GSTM2: variants seen among roughly 807,000 people sequenced by gnomAD.
GSTM2 encodes the protein glutathione S-transferase mu 2.
GSTM2 carries 33 observed loss-of-function variants against 33.3 expected under a neutral mutation model. That is an observed-to-expected ratio of 0.99 (90% CI 0.75 to 1.33). The LOEUF (loss-of-function observed/expected upper bound fraction) is 1.33, where lower values mean the gene tolerates loss of function less well. Among genes scored for constraint, GSTM2 ranks in the 40% most tolerant of loss-of-function variants. The pLI is 0.00. For missense variants in GSTM2, 213 were observed against 265.8 expected (o/e 0.80, Z 1.38); for synonymous variants, 93 against 95.6 (o/e 0.97, Z 0.16).
chr1:109,680,061 A>T (rs1434783383), downstream of GSTM2, among the ~76,000 whole-genome samples: 3 of 137,538 alleles, frequency 2.2e-5, no homozygotes. Context: ...TCCCACCCCC[A>T]CCTTTGTTCT....
intron 5 of GSTM2, 158 bp downstream of exon 5, chr1:109,669,729 C>T: frequency 1.7e-6 from 1 of 601,164 alleles, no homozygotes; most frequent in Non-Finnish European, 3.0e-6. Context: ...TGTTACAGTT[C>T]TTAAAGATGG....
chr1:109,674,628 C>T lies in GSTM2; in HGVS notation c.568-119C>T, dbSNP rs1178231010. ...TAAGAAGCTGTGTGATGCCTCAGCA[C>T]TTGAGCCCACATGGAAAGGCTGTGG... On this transcript the variant is annotated intron_variant, in intron 7 of 7. Coordinates refer to ENST00000241337, the MANE Select transcript of GSTM2 (RefSeq NM_000848.4). The T allele has an allele frequency of 3.2e-6, 4 of 1,243,458 alleles. No homozygotes were observed. In the East Asian group the frequency reaches 9.3e-5, roughly 29 times the overall value. 77.0% of individuals were successfully genotyped at this position (1,243,458 alleles called of 1,614,324 possible). A position where few individuals can be genotyped will look rare whatever the true frequency, so the allele number is the denominator to read the frequency against.
At chr1:109,668,354 C>T (rs1246096244) in intron 1 of GSTM2, 71 bp from the exon 2 acceptor site, 10 of 1,540,718 alleles carry the variant, frequency 6.5e-6, no homozygotes, top group Non-Finnish European at 9.0e-6. Context: ...GATGGGGCTC[C>T]CCTTGTGCAG....
chr1:109,672,646 G>C (rs1175250362), intron 7 of GSTM2, among the ~76,000 whole-genome samples: 3 of 152,178 alleles, frequency 2.0e-5, no homozygotes, highest in African/African-American at 7.2e-5. Flanking sequence ...GGATGCAGCT[G>C]GCAATAGTAG....
intron 7 of GSTM2, among the ~76,000 whole-genome samples, chr1:109,672,204 T>G (rs1202162362): frequency 6.6e-6 from 1 of 151,674 alleles, no homozygotes; most frequent in East Asian, 1.9e-4. Flanking sequence ...CTCTTGAACC[T>G]GGGAGGCGGA....
At chr1:109,679,560 C>T (rs963806513), downstream of GSTM2, among the ~76,000 whole-genome samples, 1 of 152,214 alleles carries the variant, frequency 6.6e-6, no homozygotes, top group Non-Finnish European at 1.5e-5. Context: ...GCCAATGAAT[C>T]ACAGTCTATG....
intron 7 of GSTM2, among the ~76,000 whole-genome samples, chr1:109,682,547 A>T (rs1647879661): frequency 8.1e-6 from 1 of 123,108 alleles, no homozygotes. Flanking sequence ...TTAACAGAAT[A>T]AACTATTACA....
intron 7 of GSTM2, among the ~76,000 whole-genome samples, 199 bp from the exon 8 acceptor site, chr1:109,674,548 G>A (rs559865692): frequency 4.4e-4 from 67 of 152,284 alleles, no homozygotes; most frequent in African/African-American, 1.3e-3. Flanking sequence ...TGTTACTGTG[G>A]TACAACATTA....
intron 1 of GSTM2, 87 bp from the exon 2 acceptor site, chr1:109,668,338 G>A (rs1157500145): frequency 2.0e-6 from 3 of 1,478,696 alleles, no homozygotes; most frequent in African/African-American, 2.8e-5. Flanking sequence ...AGGAACGAGA[G>A]GAGGAGATGG....
chr1:109,668,119 C>A lies in GSTM2; in HGVS notation c.4C>A (p.Pro2Thr), dbSNP rs1324274979. Reference protein sequence around the residue: MPMTLGYWNIRG... With the variant: MTMTLGYWNIRG... ...AGAATCCACAGCAACCAGCACCATG[C>A]CCATGACACTGGGGTACTGGAACAT... Residue 2 changes from proline (P) to threonine (T), a missense_variant, in exon 1 of 8, where the codon CCC (proline) becomes ACC (threonine). Physicochemically the swap from Pro to Thr is conservative, Grantham distance 38. Coordinates refer to ENST00000241337, the MANE Select transcript of GSTM2 (RefSeq NM_000848.4). The A allele has an allele frequency of 5.0e-6, 8 of 1,613,884 alleles. No individual in the cohort carries two copies. Among genetic ancestry groups the A allele is most frequent in the Middle Eastern group, 1.6e-4 (1 of 6,084 alleles).
At position 109,669,095 on chromosome 1, in the gene GSTM2, T is replaced by G. The variant is rs1489342720; in HGVS notation, c.177+106T>G. On this transcript the variant is annotated intron_variant, in intron 3 of 7. Transcript: ENST00000241337. ...TTAAGATCAGGAGTCTTCTGCCCAA[T>G]TCCTCTCACTCTTGGCTGTCTACAC... 3.7e-6 allele frequency: 5 copies of G among 1,342,388 alleles called. No homozygotes were observed. In the East Asian group the frequency reaches 1.1e-4, roughly 31 times the overall value. The allele number at this position is 1,342,388 out of a possible 1,614,324, so 83.2% of individuals were successfully genotyped here. A position where few individuals can be genotyped will look rare whatever the true frequency, so the allele number is the denominator to read the frequency against.
At chr1:109,668,581 ACT>A in intron 2 of GSTM2, 81 bp downstream of exon 2, 1 of 1,468,048 alleles carries the variant, frequency 6.8e-7, no homozygotes, top group Non-Finnish European at 9.6e-7. Flanking sequence ...CCTGTGGCTG[ACT>A]CTGCAGGCCT....
chr1:109,677,809 C>T (rs1205407497), downstream of GSTM2, among the ~76,000 whole-genome samples: 2 of 152,162 alleles, frequency 1.3e-5, no homozygotes, highest in Non-Finnish European at 2.9e-5. Context: ...GAAAAGCATG[C>T]ATTAAGGCCT....
chr1:109,673,317 C>G lies in GSTM2; in HGVS notation c.568-1430C>G. 1.9e-6 allele frequency: 3 copies of G among 1,571,680 alleles called. No individual in the cohort carries two copies. In the South Asian group the frequency reaches 3.5e-5, roughly 18 times the overall value. ...GGAGATGCATAGATGACAGCCCCAT[C>G]CTGGAAATGAGTGCAGTGAGAGGCC... is the stretch of plus-strand genomic sequence containing the variant. On this transcript the variant is annotated intron_variant, in intron 7 of 7. Transcript: ENST00000241337.
Position 109,669,348 on chromosome 1 carries a change from A to G in GSTM2, c.236A>G (p.Tyr79Cys). ...KITQSNAILR[Y>C]IARKHNLCGE... The stretch of plus-strand genomic sequence containing the variant: ...ACCCAGAGCAACGCCATCCTGCGGT[A>G]CATTGCCCGCAAGCACAACCTGTGT... Residue 79 changes from tyrosine (Y) to cysteine (C), a missense_variant, in exon 4 of 8, where the codon TAC becomes TGC. By Grantham distance (194) the Tyr-to-Cys change is radical. Coordinates refer to ENST00000241337, the MANE Select transcript of GSTM2 (RefSeq NM_000848.4). The G allele has an allele frequency of 1.2e-6, 2 of 1,614,254 alleles. No homozygotes were observed. The highest frequency in any genetic ancestry group is 1.7e-6 in the Non-Finnish European group (2 of 1,180,044).
intron 7 of GSTM2, among the ~76,000 whole-genome samples, chr1:109,682,486 C>T (rs1437589392): frequency 1.1e-4 from 11 of 99,746 alleles, no homozygotes; most frequent in African/African-American, 2.3e-4. Flanking sequence ...GTGATCCGCC[C>T]GCCTTGGCCT....
At position 109,671,339 on chromosome 1, in the gene GSTM2, A is replaced by G. The variant is rs749593193; in HGVS notation, c.413A>G (p.Tyr138Cys). The G allele has an allele frequency of 2.5e-5, 41 of 1,613,946 alleles. No individual in the cohort carries two copies. The highest frequency in any genetic ancestry group is 2.5e-5 in the Non-Finnish European group (29 of 1,179,926). The change falls in exon 6 of 8, where the codon TAC (tyrosine) becomes TGC (cysteine). Residue 138 changes from tyrosine (Y) to cysteine (C), a missense_variant. By Grantham distance (194) the Tyr-to-Cys change is radical. Coordinates refer to ENST00000241337, the MANE Select transcript of GSTM2 (RefSeq NM_000848.4). Reference sequence around the variant, plus strand: ...GCACTCCCTGAAATGCTGAAGCTCTACTCACAGTTTCTGGGGAAGCAGCCA... The same window carrying G: ...GCACTCCCTGAAATGCTGAAGCTCTGCTCACAGTTTCTGGGGAAGCAGCCA... Reference protein sequence around the residue: ...LQALPEMLKLYSQFLGKQPWF... With the variant: ...LQALPEMLKLCSQFLGKQPWF...
chr1:109,669,541 G>A lies in GSTM2; in HGVS notation c.330G>A (p.Gln110=), dbSNP rs1380426545. ...ACCAGTTTATGGACAGCCGTATGCA[G>A]CTGGCCAAACTCTGCTATGACCCAG... The part of the protein sequence containing the change: ...LENQFMDSRM[Q]LAKLCYDPDF... The change falls in exon 5 of 8, where the codon CAG becomes CAA. Residue 110 remains glutamine, a synonymous_variant. Transcript: ENST00000241337. 4.3e-6 allele frequency: 7 copies of A among 1,611,906 alleles called. 1 individual carries two copies. Among genetic ancestry groups the A allele is most frequent in the Non-Finnish European group, 5.9e-6 (7 of 1,178,084 alleles).
intron 7 of GSTM2, among the ~76,000 whole-genome samples, chr1:109,682,214 TGTTA>T (rs999416366): frequency 9.4e-5 from 3 of 31,880 alleles, no homozygotes; most frequent in Non-Finnish European, 2.3e-4. Flanking sequence ...ACTAATGCTG[TGTTA>T]ATTACCTAAG....
Sources: gnomAD v4.1 joint callset for allele counts (sites outside exome capture counted in the v4.1 genomes callset) on GRCh38, gnomAD v4.1.1 for gene constraint, MANE v1.5 for transcripts, NCBI Gene and HGNC (gene_info 2026-07-23, HGNC 2026-07-21) for gene names.